Variants in POLR2F observed in about 807,000 individuals in gnomAD.
POLR2F encodes the protein RNA polymerase II, I and III subunit F.
Under a neutral mutation model 22.7 loss-of-function variants are expected in POLR2F, and 12 were observed. That is an observed-to-expected ratio of 0.53 (90% confidence interval 0.34 to 0.86). The LOEUF (loss-of-function observed/expected upper bound fraction) is 0.86, where lower values mean the gene tolerates loss of function less well. Ranked by LOEUF, POLR2F falls within the 40% of genes least tolerant of loss-of-function variation. POLR2F has a pLI of 0.02. For missense variants in POLR2F, 126 were observed against 171.5 expected (o/e 0.73, Z 1.48); for synonymous variants, 57 against 66.0 (o/e 0.86, Z 0.66).
chr22:38,021,048 C>T (rs2084956991), intron 1 of POLR2F, among the ~76,000 whole-genome samples: 1 of 152,170 alleles, frequency 6.6e-6, no homozygotes, highest in Admixed American at 6.5e-5. Flanking sequence ...ACCAGGCCCT[C>T]AGCAAAGCAT....
chr22:37,961,738 C>A (rs1414640997), intron 3 of POLR2F, among the ~76,000 whole-genome samples: 1 of 152,114 alleles, frequency 6.6e-6, no homozygotes, highest in Admixed American at 6.5e-5. Context: ...CCCCCAGGCT[C>A]ACCTGTCAGA....
chr22:38,034,471 A>G (rs1010368942), intron 5 of POLR2F, among the ~76,000 whole-genome samples: 2 of 152,196 alleles, frequency 1.3e-5, no homozygotes, highest in Non-Finnish European at 2.9e-5. Flanking sequence ...GGGATAATGC[A>G]AAACCAGCGA....
chr22:38,016,317 C>T lies in POLR2F; in HGVS notation c.121-9552C>T, dbSNP rs146529857. ...TGAGGCATTACTCTGGACAAAGCCC[C>T]GGCCCAAAGGCATTTGGGAGCCTGC... On this transcript the variant is annotated intron_variant, in intron 1 of 2. Transcript: ENST00000333418. The surrounding 1 kb of genome is among the most constrained non-coding windows in gnomAD (Gnocchi z 4.4). Among the ~76,000 whole-genome samples the T allele has an allele frequency of 1.1e-4, 16 of 152,324 alleles. No individual in the cohort carries two copies. The highest frequency in any genetic ancestry group is 7.7e-4 in the East Asian group (4 of 5,182).
At chr22:38,028,164 T>C (rs948703516), downstream of POLR2F, among the ~76,000 whole-genome samples, 4 of 152,220 alleles carry the variant, frequency 2.6e-5, no homozygotes, top group East Asian at 1.9e-4. Context: ...CTGACTACCT[T>C]GTGTGCATGA....
upstream of POLR2F, among the ~76,000 whole-genome samples, chr22:37,981,557 T>G (rs1932396433): frequency 6.6e-6 from 1 of 152,058 alleles, no homozygotes; most frequent in Non-Finnish European, 1.5e-5. Context: ...GAGGAGCCAA[T>G]CTTAAACCCT....
chr22:38,023,955 C>T (rs2084983797), intron 1 of POLR2F, among the ~76,000 whole-genome samples: 1 of 151,646 alleles, frequency 6.6e-6, no homozygotes, highest in Non-Finnish European at 1.5e-5. Context: ...AATTCTCCTG[C>T]CTCAGCCTCC....
chr22:38,010,927 C>G (rs1027287059), intron 1 of POLR2F, among the ~76,000 whole-genome samples: 1 of 151,482 alleles, frequency 6.6e-6, no homozygotes, highest in Non-Finnish European at 1.5e-5. Context: ...TTAATGGTGT[C>G]TTTTGAAGAG....
At chr22:37,993,594 G>A (rs931921560) in intron 1 of POLR2F, among the ~76,000 whole-genome samples, 1 of 152,162 alleles carries the variant, frequency 6.6e-6, no homozygotes, top group African/African-American at 2.4e-5. Context: ...TTCAAGGCTG[G>A]CCCTTGCCCC....
chr22:37,989,570 C>T (rs977212020), intron 1 of POLR2F, among the ~76,000 whole-genome samples: 1 of 152,226 alleles, frequency 6.6e-6, no homozygotes, highest in Non-Finnish European at 1.5e-5. Context: ...TAGGGCCTCC[C>T]CAGGTGCCGG....
At chr22:37,977,914 G>T in intron 4 of POLR2F, 1 of 1,613,044 alleles carries the variant, frequency 6.2e-7, no homozygotes, top group Non-Finnish European at 8.5e-7. Context: ...GCCCTCTCCT[G>T]GGTGCCGGTG....
downstream of POLR2F, chr22:37,972,260 A>G (rs555331958): frequency 3.1e-6 from 4 of 1,302,042 alleles, no homozygotes; most frequent in African/African-American, 6.1e-5. Context: ...AGGAAGCACC[A>G]GTACAGGGAT....
At chr22:37,956,393 G>C (rs543928442) in intron 1 of POLR2F, among the ~76,000 whole-genome samples, 2 of 151,756 alleles carry the variant, frequency 1.3e-5, no homozygotes, top group Admixed American at 1.3e-4. Context: ...ACCATGCCCG[G>C]CCTCTGAATT....
At chr22:37,959,576 T>A in intron 3 of POLR2F, 100 bp downstream of exon 3, 1 of 1,351,744 alleles carries the variant, frequency 7.4e-7, no homozygotes, top group Non-Finnish European at 1.0e-6. Flanking sequence ...ACAGACTCTC[T>A]GCTCTCACAT....
At chr22:38,009,006 A>T (rs950110444) in intron 1 of POLR2F, among the ~76,000 whole-genome samples, 2 of 152,210 alleles carry the variant, frequency 1.3e-5, no homozygotes, top group African/African-American at 4.8e-5. Flanking sequence ...TGGCATATGC[A>T]TGAAGACCTG....
At position 37,967,368 on chromosome 22, in the gene POLR2F, T is replaced by A. The variant is rs528241681; in HGVS notation, c.293+198T>A. 69 of 1,448,322 alleles carry A rather than the reference T, an allele frequency of 4.8e-5. No homozygotes were observed. The African/African-American group carries it at 9.4e-4, about 20-fold the overall frequency. The allele number at this position is 1,448,322 out of a possible 1,614,324, so 89.7% of individuals were successfully genotyped here. ...AAAGTGGGAGGGCACTGATGAGACA[T>A]GGACGTCTTCTGGCTGTTGGAATTT... On this transcript the variant is annotated intron_variant, in intron 4 of 4. Transcript: ENST00000442738.
At chr22:37,985,821 ACAC>A (rs1221663363), upstream of POLR2F, among the ~76,000 whole-genome samples, 1 of 17,888 alleles carries the variant, frequency 5.6e-5, no homozygotes, top group African/African-American at 2.8e-4. Context: ...ACACTGGAAC[ACAC>A]ACACACACAC....
At chr22:38,038,312 C>T (rs1358291859) in intron 5 of POLR2F, among the ~76,000 whole-genome samples, 2 of 152,106 alleles carry the variant, frequency 1.3e-5, no homozygotes, top group Non-Finnish European at 2.9e-5. Context: ...CAGAGGGCGT[C>T]CTCTTGAGGT....
chr22:37,972,361 T>C, downstream of POLR2F: 1 of 606,686 alleles, frequency 1.6e-6, no homozygotes, highest in South Asian at 1.5e-5. Context: ...GCAGAGTTAA[T>C]AGGGGCTAGA....
chr22:37,986,107 GGCA>G, upstream of POLR2F: 1 of 1,468,862 alleles, frequency 6.8e-7, no homozygotes, highest in Non-Finnish European at 9.0e-7. This position sits in a 1 kb window ranked among gnomAD's most constrained non-coding sequence, Gnocchi z 4.7. Context: ...ACAGGTGAAC[GGCA>G]ATCATGTGAT....
Sources: gnomAD v4.1 joint callset for allele counts (sites outside exome capture counted in the v4.1 genomes callset) on GRCh38, gnomAD v4.1.1 for gene constraint, Gnocchi (gnomAD v3.1) non-coding constraint, MANE v1.5 for transcripts, NCBI Gene and HGNC (gene_info 2026-07-23, HGNC 2026-07-21) for gene names.